THSD7B: variants seen among roughly 807,000 people sequenced by gnomAD.
The protein encoded by THSD7B is thrombospondin type-1 domain-containing protein 7B.
A neutral mutation model predicts 213.6 loss-of-function variants in THSD7B; 138 were observed. The ratio of observed to expected loss-of-function variants is 0.65; its 90% CI spans 0.56 to 0.74. The LOEUF (loss-of-function observed/expected upper bound fraction) is 0.74. Ranked by LOEUF, THSD7B falls within the 30% of genes least tolerant of loss-of-function variation. The probability of loss-of-function intolerance (pLI) is 0.00; values close to 1 mark genes in which losing one functional copy is unlikely to be tolerated. For synonymous variants in THSD7B, 742 were observed against 687.0 expected (o/e 1.08, Z -1.25); for missense variants, 1,931 against 1,991.5 (o/e 0.97, Z 0.58).
At chr2:136,901,128 T>C (rs1445264526) in intron 2 of THSD7B, among the ~76,000 whole-genome samples, 1 of 152,200 alleles carries the variant, frequency 6.6e-6, no homozygotes, top group East Asian at 1.9e-4. Flanking sequence ...ATCTGAAATG[T>C]CTTAGGTTAT....
intron 2 of THSD7B, among the ~76,000 whole-genome samples, chr2:137,053,709 A>C (rs1687109887): frequency 1.3e-5 from 2 of 152,168 alleles, no homozygotes; most frequent in Admixed American, 1.3e-4. Context: ...AACTTTTCTG[A>C]TCTTACTTTC....
intron 12 of THSD7B, among the ~76,000 whole-genome samples, chr2:137,318,504 C>T (rs1194396221): frequency 6.6e-6 from 1 of 152,070 alleles, no homozygotes; most frequent in Non-Finnish European, 1.5e-5. Flanking sequence ...AAAGTAAAAA[C>T]AGAGGTAATA....
intron 12 of THSD7B, among the ~76,000 whole-genome samples, chr2:137,348,959 A>G (rs1684943880): frequency 6.6e-6 from 1 of 151,622 alleles, no homozygotes; most frequent in Non-Finnish European, 1.5e-5. Flanking sequence ...ATATTATAAA[A>G]TAGTTATAAA....
At chr2:137,151,127 G>A (rs542546969) in intron 5 of THSD7B, among the ~76,000 whole-genome samples, 65 of 152,046 alleles carry the variant, frequency 4.3e-4, no homozygotes, top group Admixed American at 7.2e-4. Flanking sequence ...TTTTTAAAAC[G>A]TCTCTTTTCA....
intron 5 of THSD7B, among the ~76,000 whole-genome samples, chr2:137,159,170 G>A (rs573355956): frequency 1.3e-5 from 2 of 152,176 alleles, no homozygotes; most frequent in Admixed American, 6.5e-5. Context: ...GGTGGCTCAC[G>A]TGTGTAATCC....
At chr2:137,534,839 C>T (rs903648844) in intron 15 of THSD7B, among the ~76,000 whole-genome samples, 3 of 151,650 alleles carry the variant, frequency 2.0e-5, no homozygotes, top group African/African-American at 7.3e-5. Context: ...CAGGTGATTC[C>T]ATATTAAACT....
chr2:136,797,196 G>C (rs1423282733), intron 1 of THSD7B, among the ~76,000 whole-genome samples: 1 of 151,918 alleles, frequency 6.6e-6, no homozygotes, highest in Non-Finnish European at 1.5e-5. Flanking sequence ...GTTATTGAGA[G>C]TGGGTGAGAA....
chr2:137,631,395 A>T (rs902672353), intron 20 of THSD7B, among the ~76,000 whole-genome samples: 1 of 152,162 alleles, frequency 6.6e-6, no homozygotes, highest in Non-Finnish European at 1.5e-5. Flanking sequence ...TTAAATCCAG[A>T]CTATGATTTA....
At chr2:137,094,776 C>A in intron 3 of THSD7B, 97 bp from the exon 4 acceptor site, 1 of 1,458,172 alleles carries the variant, frequency 6.9e-7, no homozygotes, top group Non-Finnish European at 9.2e-7. Flanking sequence ...ACGCTTAAAT[C>A]AAATTTCAGA....
intron 26 of THSD7B, among the ~76,000 whole-genome samples, chr2:137,666,036 T>G (rs1414489259): frequency 1.3e-5 from 2 of 152,144 alleles, no homozygotes; most frequent in East Asian, 3.8e-4. Context: ...GGTAGGGAAT[T>G]GAGAGGTTGG....
intron 2 of THSD7B, among the ~76,000 whole-genome samples, chr2:136,979,444 C>T (rs1573746546): frequency 6.6e-6 from 1 of 152,068 alleles, no homozygotes; most frequent in Non-Finnish European, 1.5e-5. Context: ...ATCATAGGTT[C>T]TATCTTTTTA....
chr2:137,585,582 T>C (rs893112653), intron 17 of THSD7B, among the ~76,000 whole-genome samples: 1 of 152,182 alleles, frequency 6.6e-6, no homozygotes, highest in African/African-American at 2.4e-5. Flanking sequence ...ATTTCTGCCT[T>C]CATTTTGTTA....
chr2:137,541,428 G>A (rs1680608037), intron 15 of THSD7B, among the ~76,000 whole-genome samples: 1 of 151,518 alleles, frequency 6.6e-6, no homozygotes, highest in Non-Finnish European at 1.5e-5. Context: ...TTTTTTAATT[G>A]ACAAATAATG....
At chr2:137,594,442 T>C (rs1385728295) in intron 17 of THSD7B, among the ~76,000 whole-genome samples, 3 of 151,986 alleles carry the variant, frequency 2.0e-5, no homozygotes, top group Non-Finnish European at 4.4e-5. Flanking sequence ...GTGGCACCAA[T>C]GTTATCTGCT....
chr2:136,911,912 G>A (rs1042529460), intron 2 of THSD7B, among the ~76,000 whole-genome samples: 4 of 152,154 alleles, frequency 2.6e-5, no homozygotes, highest in Admixed American at 6.5e-5. Flanking sequence ...GATGAGGGGA[G>A]GGACAGATGG....
intron 12 of THSD7B, among the ~76,000 whole-genome samples, chr2:137,392,260 G>A (rs542247137): frequency 2.6e-4 from 39 of 152,186 alleles, no homozygotes; most frequent in African/African-American, 9.2e-4. Flanking sequence ...TATCTGTTAG[G>A]TTCATTTAGT....
At chr2:137,414,230 T>A (rs912993021) in intron 14 of THSD7B, among the ~76,000 whole-genome samples, 5 of 152,104 alleles carry the variant, frequency 3.3e-5, no homozygotes, top group African/African-American at 1.2e-4. Flanking sequence ...CCTCATAACT[T>A]TTATGGTACT....
chr2:137,412,946 T>C (rs993230455), intron 14 of THSD7B, among the ~76,000 whole-genome samples: 1 of 151,346 alleles, frequency 6.6e-6, no homozygotes. Context: ...TAGAAACAAA[T>C]GGGTAGATTT....
chr2:137,212,035 G>A (rs1361824281), intron 7 of THSD7B, among the ~76,000 whole-genome samples: 20 of 151,950 alleles, frequency 1.3e-4, no homozygotes, highest in Admixed American at 1.3e-3. Context: ...CAACAATCAC[G>A]TACATGTAAA....
Sources: gnomAD v4.1 joint callset for allele counts (sites outside exome capture counted in the v4.1 genomes callset) on GRCh38, gnomAD v4.1.1 for gene constraint, MANE v1.5 for transcripts, NCBI Gene and HGNC (gene_info 2026-07-23, HGNC 2026-07-21) for gene names.